The following KIF9 variants were observed in gnomAD, a reference collection of about 807,000 sequenced individuals.
The protein encoded by KIF9 is kinesin family member 9, also known as kinesin-like protein KIF9.
KIF9 carries 68 observed loss-of-function variants against 94.8 expected under a neutral mutation model. The observed-to-expected ratio is 0.72, with a 90% confidence interval of 0.59 to 0.88. The LOEUF (loss-of-function observed/expected upper bound fraction) is 0.88. Among genes scored for constraint, KIF9 ranks in the 40% least tolerant of loss-of-function variants. The pLI, the probability that KIF9 is intolerant of heterozygous loss-of-function variation, is 0.00. For missense variants in KIF9, 882 were observed against 982.5 expected (o/e 0.90, Z 1.37); for synonymous variants, 343 against 362.1 (o/e 0.95, Z 0.60).
chr3:47,235,936 C>T, intron 19 of KIF9, 98 bp downstream of exon 19: 5 of 917,808 alleles, frequency 5.4e-6, no homozygotes, highest in South Asian at 1.5e-5. Context: ...GGGAGCACCA[C>T]ACACACTGCC....
At position 47,276,322 on chromosome 3, in the gene KIF9, G is replaced by A. The variant is rs867197827; in HGVS notation, c.94-832C>T. Among the ~76,000 whole-genome samples the A allele has an allele frequency of 4.6e-5, 7 of 152,228 alleles. No individual in the cohort carries two copies. The South Asian group carries it at 8.3e-4, about 18-fold the overall frequency. ...TGTAATCCCAGCACTTTGGGAGGCC[G>A]TGGCAGGTAGATCACCTGAGGTCAG... On this transcript the variant is annotated intron_variant, in intron 2 of 20. Coordinates refer to ENST00000684063, the MANE Select transcript of KIF9 (RefSeq NM_182902.4).
At position 47,245,813 on chromosome 3, in the gene KIF9, TTCTGTC is replaced by T. The variant is rs975122637; in HGVS notation, c.1290-308_1290-303del. 48 of 495,932 alleles carry T rather than the reference TTCTGTC, an allele frequency of 9.7e-5. No homozygotes were observed. In the Admixed American group the frequency reaches 9.8e-4, roughly 10 times the overall value. 30.7% of individuals were successfully genotyped at this position (495,932 alleles called of 1,614,324 possible). On this transcript the variant is annotated intron_variant, in intron 13 of 20. Transcript: ENST00000684063. Reference sequence around the variant, plus strand: ...GGACCATGTGGGGTTCTGTCTTAGGTTCTGTCTCTAAGAGGCCACTTGGAATCACAT... The same window carrying T: ...GGACCATGTGGGGTTCTGTCTTAGGTTCTAAGAGGCCACTTGGAATCACAT...
intron 10 of KIF9, among the ~76,000 whole-genome samples, chr3:47,251,980 G>A (rs1359283135): frequency 6.6e-6 from 1 of 152,152 alleles, no homozygotes; most frequent in African/African-American, 2.4e-5. Flanking sequence ...AGAGCTTGTG[G>A]AAGAGGTGGA....
chr3:47,278,988 G>A (rs368484863), intron 1 of KIF9, among the ~76,000 whole-genome samples: 2 of 150,996 alleles, frequency 1.3e-5, no homozygotes, highest in East Asian at 3.9e-4. Flanking sequence ...ATAAATAAAT[G>A]AATAAATAAA....
At chr3:47,249,483 A>G (rs1700134756) in intron 10 of KIF9, among the ~76,000 whole-genome samples, 1 of 152,176 alleles carries the variant, frequency 6.6e-6, no homozygotes, top group Non-Finnish European at 1.5e-5. Flanking sequence ...ACAATGCTGC[A>G]AGAACATTTT....
rs1259151592 is a variant in KIF9 at position 47,240,804 on chromosome 3, G to A, written c.1921C>T (p.Gln641Ter). 1.2e-6 allele frequency: 2 copies of A among 1,613,132 alleles called. No homozygotes were observed. The highest frequency in any genetic ancestry group is 1.7e-6 in the Non-Finnish European group (2 of 1,179,166). ...LNFQKSLREK[Q>*]GKYENKGLMI... ...GCCCTCTTTCCAACACATTTACCTT[G>A]CTTCTCCCGTAGTGACTTCTGGAAA... The change falls in exon 17 of 21, where the codon CAA becomes TAA. Residue 641 changes from glutamine (Q) to a stop codon, truncating the protein, a stop_gained. Transcript: ENST00000684063. LOFTEE classifies it high-confidence loss of function.
chr3:47,271,712 T>TA (rs1184499989), intron 4 of KIF9, among the ~76,000 whole-genome samples: 2 of 152,212 alleles, frequency 1.3e-5, no homozygotes, highest in Non-Finnish European at 2.9e-5. Context: ...TTTCTTATTT[T>TA]AGAGTCTCAT....
At chr3:47,275,569 CTAAT>C in intron 2 of KIF9, 79 bp from the exon 3 acceptor site, 1 of 1,089,044 alleles carries the variant, frequency 9.2e-7, no homozygotes, top group Non-Finnish European at 1.4e-6. Flanking sequence ...TAGCTGAGGC[CTAAT>C]CTGGAGGGAA....
Position 47,265,795 on chromosome 3 carries a change from T to C in KIF9, c.851A>G (p.Asp284Gly), listed in dbSNP as rs1701255844. 6.2e-7 allele frequency: 1 copy of C among 1,614,008 alleles called. No individual in the cohort carries two copies. Among genetic ancestry groups the C allele is most frequent in the African/African-American group, 1.3e-5 (1 of 74,908 alleles). Residue 284 changes from aspartate to glycine, a missense_variant, in exon 8 of 21, where the codon GAC becomes GGC. Transcript: ENST00000684063. Reference sequence around the variant, plus strand: ...AAAGGGGATGTGGTCCCGCTTCTGGTCCCCAAGGGCAATGATGGCCTGCTC... The same window carrying C: ...AAAGGGGATGTGGTCCCGCTTCTGGCCCCCAAGGGCAATGATGGCCTGCTC... Reference protein sequence around the residue: ...FLEQAIIALGDQKRDHIPFRQ... With the variant: ...FLEQAIIALGGQKRDHIPFRQ...
intron 16 of KIF9, 116 bp downstream of exon 16, chr3:47,242,935 G>T: frequency 1.2e-6 from 1 of 862,734 alleles, no homozygotes; most frequent in Non-Finnish European, 1.7e-6. Context: ...TGTGCTCCTA[G>T]TCTTTGCCTA....
chr3:47,229,694 T>C (rs1172868531), intron 20 of KIF9, among the ~76,000 whole-genome samples: 2 of 152,178 alleles, frequency 1.3e-5, no homozygotes, highest in African/African-American at 4.8e-5. Flanking sequence ...GAATAGAATT[T>C]TGACCTGTAG....
At chr3:47,234,995 A>G (rs2107057862) in intron 20 of KIF9, among the ~76,000 whole-genome samples, 1 of 152,374 alleles carries the variant, frequency 6.6e-6, no homozygotes, top group South Asian at 2.1e-4. Context: ...CACTTGCTGT[A>G]TAAGCACTGC....
chr3:47,256,647 A>C lies in KIF9; in HGVS notation c.1059+836T>G, dbSNP rs376699040. 2.4e-4 allele frequency among the ~76,000 whole-genome samples: 36 copies of C among 152,312 alleles called. 1 individual carries two copies. The East Asian group carries it at 3.1e-3, about 13-fold the overall frequency. The stretch of plus-strand genomic sequence containing the variant: ...ACCACCCCGTCTGGGAGGTGTGCCC[A>C]GCGGCTCATTGGGAACGGGCCATGA... On this transcript the variant is annotated intron_variant, in intron 10 of 20. Coordinates refer to ENST00000684063, the MANE Select transcript of KIF9 (RefSeq NM_182902.4).
chr3:47,271,369 C>A lies in KIF9; in HGVS notation c.459G>T (p.Leu153=). 2 of 1,613,932 alleles carry A rather than the reference C, an allele frequency of 1.2e-6. No individual in the cohort carries two copies. Among genetic ancestry groups the A allele is most frequent in the Middle Eastern group, 1.6e-4 (1 of 6,062 alleles). Residue 153 remains leucine, a synonymous_variant, in exon 5 of 21, where the codon CTG becomes CTT. Coordinates refer to ENST00000684063, the MANE Select transcript of KIF9 (RefSeq NM_182902.4). ...AGGGTCCAACATAGGGCAGAGTGGA[C>A]AGGAGATCAAACAGGCTCTCATTAT... ...EIYNESLFDL[L]STLPYVGPSV...
chr3:47,235,648 T>C, intron 19 of KIF9, 31 bp from the exon 20 acceptor site: 4 of 1,540,536 alleles, frequency 2.6e-6, no homozygotes, highest in Non-Finnish European at 3.6e-6. Flanking sequence ...TAGCATGGTA[T>C]TGTCAGGATA....
intron 4 of KIF9, among the ~76,000 whole-genome samples, chr3:47,272,220 C>T (rs1363596220): frequency 6.6e-6 from 1 of 152,182 alleles, no homozygotes; most frequent in Non-Finnish European, 1.5e-5. Context: ...CTAATTCCCT[C>T]CCCAGTGCTT....
intron 17 of KIF9, chr3:47,239,772 TA>T: frequency 7.4e-7 from 1 of 1,352,972 alleles, no homozygotes; most frequent in South Asian, 1.2e-5. Context: ...AATAAATGAG[TA>T]AAATGCACCC....
chr3:47,276,761 T>C (rs1701999537), intron 2 of KIF9, among the ~76,000 whole-genome samples: 1 of 152,178 alleles, frequency 6.6e-6, no homozygotes, highest in African/African-American at 2.4e-5. Flanking sequence ...GTCTCAATGC[T>C]GCCCAGAGTA....
At chr3:47,250,962 T>C (rs2107284104) in intron 10 of KIF9, among the ~76,000 whole-genome samples, 1 of 152,308 alleles carries the variant, frequency 6.6e-6, no homozygotes, top group South Asian at 2.1e-4. Context: ...ACCCCTGGCA[T>C]CCTGATGGCT....
Sources: gnomAD v4.1 joint callset for allele counts (sites outside exome capture counted in the v4.1 genomes callset) on GRCh38, gnomAD v4.1.1 for gene constraint, MANE v1.5 for transcripts, NCBI Gene and HGNC (gene_info 2026-07-23, HGNC 2026-07-21) for gene names.